RMST: variants seen among roughly 807,000 people sequenced by gnomAD.
RMST encodes the protein long intergenic non-protein coding RNA 54.
At chr12:97,481,031 A>G (rs1302962206) in intron 5 of RMST, among the ~76,000 whole-genome samples, 2 of 152,210 alleles carry the variant, frequency 1.3e-5, no homozygotes, top group Non-Finnish European at 2.9e-5. Flanking sequence ...ATTTTCTTCA[A>G]CTAAATTCAG....
At chr12:97,506,680 T>G (rs977046947) in intron 10 of RMST, among the ~76,000 whole-genome samples, 2 of 142,546 alleles carry the variant, frequency 1.4e-5, no homozygotes, top group African/African-American at 2.6e-5. Context: ...AATCTGTTTT[T>G]TTTTTTTTTT....
chr12:97,463,058 TGA>T (rs1872766268), intron 3 of RMST: 2 of 142,650 alleles, frequency 1.4e-5, no homozygotes, highest in Non-Finnish European at 3.1e-5. Flanking sequence ...TCTCTCTCTC[TGA>T]AACACACACA....
chr12:97,505,383 T>C (rs931303086), intron 10 of RMST, among the ~76,000 whole-genome samples: 1 of 152,230 alleles, frequency 6.6e-6, no homozygotes, highest in African/African-American at 2.4e-5. Flanking sequence ...GACAGCAGCA[T>C]AGGGCTATGT....
intron 10 of RMST, among the ~76,000 whole-genome samples, chr12:97,506,260 ATTTCT>A (rs1460788337): frequency 2.0e-5 from 3 of 152,166 alleles, no homozygotes; most frequent in Non-Finnish European, 1.5e-5. Context: ...TCAAAACCCT[ATTTCT>A]TTTATGACTG....
intron 5 of RMST, among the ~76,000 whole-genome samples, chr12:97,471,413 A>G (rs996943744): frequency 7.2e-5 from 11 of 152,110 alleles, no homozygotes; most frequent in African/African-American, 2.7e-4. Flanking sequence ...GCTAGTGGAG[A>G]TAAGTGAGCA....
chr12:97,514,773 C>T (rs148041607), intron 10 of RMST, among the ~76,000 whole-genome samples: 2 of 151,438 alleles, frequency 1.3e-5, no homozygotes, highest in African/African-American at 2.4e-5. Context: ...AGTGAGACAA[C>T]CTTGGGACTT....
chr12:97,468,053 C>T (rs1256241942), intron 5 of RMST, among the ~76,000 whole-genome samples: 1 of 151,974 alleles, frequency 6.6e-6, no homozygotes, highest in Non-Finnish European at 1.5e-5. Context: ...GAGGGGCCCT[C>T]TTAGATAGCT....
chr12:97,560,628 C>T (rs1206550283), exon 12 of RMST: 2 of 152,096 alleles, frequency 1.3e-5, no homozygotes, highest in Admixed American at 1.3e-4. Flanking sequence ...GAGGCAGAAT[C>T]GCTTTGGGAT....
chr12:97,505,994 T>C (rs112640586), intron 10 of RMST, among the ~76,000 whole-genome samples: 1,949 of 152,284 alleles, frequency 0.013, 19 homozygotes, highest in Non-Finnish European at 0.02. Context: ...TAATATTGAC[T>C]TCTGTATAAA....
chr12:97,492,892 G>A (rs751613432), intron 6 of RMST: 2 of 152,064 alleles, frequency 1.3e-5, no homozygotes, highest in African/African-American at 2.4e-5. Flanking sequence ...ATTGGAAATT[G>A]AACTCAGATA....
chr12:97,501,993 T>A (rs2136481087), intron 10 of RMST, among the ~76,000 whole-genome samples: 1 of 152,292 alleles, frequency 6.6e-6, no homozygotes, highest in East Asian at 1.9e-4. Flanking sequence ...TGAGTTACGG[T>A]TGATAATGAT....
intron 10 of RMST, among the ~76,000 whole-genome samples, chr12:97,526,580 T>C (rs942810037): frequency 6.6e-6 from 1 of 152,080 alleles, no homozygotes; most frequent in Non-Finnish European, 1.5e-5. Context: ...CTCTAAGCAA[T>C]GGGGAAAAAA....
intron 10 of RMST, among the ~76,000 whole-genome samples, chr12:97,516,480 A>G (rs1879948306): frequency 6.6e-6 from 1 of 152,064 alleles, no homozygotes; most frequent in Admixed American, 6.6e-5. Flanking sequence ...GTGCTATTAA[A>G]TATTTGAAAA....
intron 10 of RMST, among the ~76,000 whole-genome samples, chr12:97,499,124 C>T (rs556303309): frequency 2.0e-4 from 30 of 152,182 alleles, no homozygotes; most frequent in Non-Finnish European, 4.0e-4. Context: ...TCAGCTTTTT[C>T]GATTTTTTTT....
chr12:97,504,223 G>A (rs960673412), intron 10 of RMST, among the ~76,000 whole-genome samples: 1 of 152,010 alleles, frequency 6.6e-6, no homozygotes, highest in Non-Finnish European at 1.5e-5. Flanking sequence ...GGCCAACATG[G>A]CAAACCCCCA....
intron 11 of RMST, among the ~76,000 whole-genome samples, chr12:97,540,420 C>T (rs1565935643): frequency 1.3e-5 from 2 of 151,778 alleles, no homozygotes; most frequent in African/African-American, 2.4e-5. Context: ...ATTGTCTGAC[C>T]GAAGGAACTC....
intron 10 of RMST, among the ~76,000 whole-genome samples, chr12:97,513,519 A>G (rs1325655169): frequency 6.6e-6 from 1 of 152,178 alleles, no homozygotes; most frequent in East Asian, 1.9e-4. Flanking sequence ...AACAGACCAG[A>G]GCTTCTGCCT....
At chr12:97,504,734 T>C (rs918879503) in intron 10 of RMST, among the ~76,000 whole-genome samples, 5 of 152,216 alleles carry the variant, frequency 3.3e-5, no homozygotes, top group African/African-American at 1.2e-4. Flanking sequence ...CTTACATTTA[T>C]TTTAAATATT....
intron 5 of RMST, among the ~76,000 whole-genome samples, chr12:97,491,198 G>A (rs912486432): frequency 2.5e-4 from 38 of 152,268 alleles, no homozygotes; most frequent in Admixed American, 1.2e-3. Flanking sequence ...CAATTTGGTC[G>A]AACTCTGCAG....
Sources: allele counts gnomAD v4.1 joint callset (sites outside exome capture counted in the v4.1 genomes callset), GRCh38; gene constraint gnomAD v4.1.1; transcripts MANE v1.5; gene names NCBI Gene and HGNC (gene_info 2026-07-23, HGNC 2026-07-21).